Variants in GANC observed in about 807,000 individuals in gnomAD.
The protein encoded by GANC is neutral alpha-glucosidase C.
Under a neutral mutation model 124.2 loss-of-function variants are expected in GANC, and 117 were observed. The ratio of observed to expected loss-of-function variants is 0.94; its 90% CI spans 0.81 to 1.10. The LOEUF (loss-of-function observed/expected upper bound fraction) is 1.10, where lower values mean the gene tolerates loss of function less well. Ranked by LOEUF, GANC falls within the 50% of genes least tolerant of loss-of-function variation. The pLI, the probability that GANC is intolerant of heterozygous loss-of-function variation, is 0.00. For synonymous variants in GANC, 377 were observed against 376.8 expected, an observed-to-expected ratio of 1.00 and a Z score of -0.01; for missense variants, 1,140 against 1,095.0, an observed-to-expected ratio of 1.04 and a Z score of -0.58.
chr15:42,321,222 T>C (rs1011723361), intron 10 of GANC, among the ~76,000 whole-genome samples: 1 of 152,202 alleles, frequency 6.6e-6, no homozygotes, highest in Non-Finnish European at 1.5e-5. Flanking sequence ...TGCCAGACTT[T>C]TGATGGCTTC....
chr15:42,279,414 G>A (rs1475409857), intron 3 of GANC, among the ~76,000 whole-genome samples: 1 of 152,206 alleles, frequency 6.6e-6, no homozygotes, highest in Non-Finnish European at 1.5e-5. Context: ...AAAGGACTAT[G>A]CAGTTGAAAA....
chr15:42,338,310 T>C, intron 15 of GANC, 79 bp from the exon 16 acceptor site: 2 of 857,560 alleles, frequency 2.3e-6, no homozygotes, highest in Non-Finnish European at 3.6e-6. Context: ...AGTTGTCTTT[T>C]ACAAATAAGG....
Position 42,352,580 on chromosome 15 carries a change from G to A in GANC, c.*441G>A, listed in dbSNP as rs2052459337. The A allele has an allele frequency of 2.0e-6, 2 of 1,010,568 alleles. No homozygotes were observed. The highest frequency in any genetic ancestry group is 3.4e-5 in the African/African-American group (2 of 58,216). 62.6% of individuals were successfully genotyped at this position (1,010,568 alleles called of 1,614,324 possible). A position where few individuals can be genotyped will look rare whatever the true frequency, so the allele number is the denominator to read the frequency against. The stretch of plus-strand genomic sequence containing the variant: ...GTGTCCAAGTGGACAGCAGCCTCTG[G>A]TACTCCCCCCAGTTATCTTCCACCC... On this transcript the variant is annotated 3_prime_UTR_variant, in exon 24 of 24. Coordinates refer to ENST00000318010, the MANE Select transcript of GANC (RefSeq NM_198141.3).
intron 3 of GANC, among the ~76,000 whole-genome samples, chr15:42,282,988 C>T (rs1438495353): frequency 2.0e-5 from 3 of 152,206 alleles, no homozygotes; most frequent in African/African-American, 7.2e-5. Flanking sequence ...TTCCTGAGGA[C>T]TTCCTCAACC....
At chr15:42,329,499 G>A (rs2052224945) in intron 14 of GANC, 50 bp downstream of exon 14, 1 of 1,555,386 alleles carries the variant, frequency 6.4e-7, no homozygotes, top group African/African-American at 1.4e-5. Flanking sequence ...CCACCTTTTG[G>A]CTGAAGGTCA....
intron 6 of GANC, among the ~76,000 whole-genome samples, chr15:42,303,684 AAG>A (rs1352824749): frequency 7.3e-5 from 11 of 151,560 alleles, no homozygotes; most frequent in African/African-American, 2.4e-4. Flanking sequence ...AAAAAAAAAA[AAG>A]AAAGCAGGGG....
rs1443294590 is a variant in GANC at position 42,348,210 on chromosome 15, C to T, written c.2412C>T (p.Ser804=). The change falls in exon 21 of 24, where the codon AGC becomes AGT. Residue 804 remains serine (S), a synonymous_variant. Coordinates refer to ENST00000318010, the MANE Select transcript of GANC (RefSeq NM_198141.3). ...ESSYGLRVAL[S]TKGSSVGELY... ...CCTATGGACTCCGGGTTGCTCTAAG[C>T]ACTAAGGTATTTGGTAAATCTGTTA... is the stretch of plus-strand genomic sequence containing the variant. The T allele has an allele frequency of 8.1e-6, 13 of 1,597,802 alleles. No individual in the cohort carries two copies. Among genetic ancestry groups the T allele is most frequent in the Non-Finnish European group, 1.0e-5 (12 of 1,166,580 alleles).
chr15:42,339,305 AACACACACACACACACACACAC>A (rs60116980), intron 16 of GANC, among the ~76,000 whole-genome samples: 15 of 119,250 alleles, frequency 1.3e-4, no homozygotes, highest in South Asian at 3.2e-4. Flanking sequence ...ACCCCCCTCC[AACACACACACACACACACACAC>A]ACACACACAC....
intron 3 of GANC, among the ~76,000 whole-genome samples, chr15:42,287,152 A>G (rs894200794): frequency 6.6e-6 from 1 of 152,190 alleles, no homozygotes. Flanking sequence ...GCTGTGAAAA[A>G]TCAATTCCAG....
At chr15:42,304,455 G>A (rs1223077017) in intron 6 of GANC, among the ~76,000 whole-genome samples, 1 of 152,078 alleles carries the variant, frequency 6.6e-6, no homozygotes, top group East Asian at 1.9e-4. Context: ...CACTGCTTAA[G>A]GAAATAAGAG....
At chr15:42,312,796 A>T (rs901128808) in intron 10 of GANC, among the ~76,000 whole-genome samples, 1 of 152,038 alleles carries the variant, frequency 6.6e-6, no homozygotes, top group African/African-American at 2.4e-5. Flanking sequence ...AAAATTGGCC[A>T]GGCATGGTGG....
intron 8 of GANC, 22 bp from the exon 9 acceptor site, chr15:42,310,261 G>A (rs2052037378): frequency 6.5e-7 from 1 of 1,537,132 alleles, no homozygotes; most frequent in South Asian, 1.2e-5. Flanking sequence ...GATGGTAATT[G>A]ATGATAATCT....
At chr15:42,280,372 T>C (rs1407773538) in intron 3 of GANC, among the ~76,000 whole-genome samples, 1 of 152,176 alleles carries the variant, frequency 6.6e-6, no homozygotes, top group African/African-American at 2.4e-5. Flanking sequence ...ATATATCCTT[T>C]TGTAGCCTAG....
chr15:42,295,853 T>C (rs547043801), intron 5 of GANC, among the ~76,000 whole-genome samples: 1 of 152,194 alleles, frequency 6.6e-6, no homozygotes, highest in South Asian at 2.1e-4. Flanking sequence ...TAAAGATTGT[T>C]ACGTTGAGCT....
At chr15:42,350,589 G>A (rs1200231809) in intron 22 of GANC, among the ~76,000 whole-genome samples, 1 of 99,224 alleles carries the variant, frequency 1.0e-5, no homozygotes, top group Non-Finnish European at 1.9e-5. Context: ...TTTTGCTCTT[G>A]TCGCCCAGGC....
At chr15:42,335,574 G>A (rs955787170) in intron 15 of GANC, among the ~76,000 whole-genome samples, 6 of 152,152 alleles carry the variant, frequency 3.9e-5, no homozygotes. Context: ...GATGCCGTCT[G>A]TCACCACTCC....
intron 3 of GANC, among the ~76,000 whole-genome samples, chr15:42,287,362 G>A (rs2051799690): frequency 6.6e-6 from 1 of 152,092 alleles, no homozygotes; most frequent in African/African-American, 2.4e-5. Flanking sequence ...GTAGCCACAT[G>A]TCCCAATCTT....
At chr15:42,279,219 A>G (rs993700571) in intron 3 of GANC, among the ~76,000 whole-genome samples, 2 of 152,224 alleles carry the variant, frequency 1.3e-5, no homozygotes, top group East Asian at 3.8e-4. Context: ...CTGGAAAATC[A>G]CTTGCCCAAA....
intron 4 of GANC, among the ~76,000 whole-genome samples, chr15:42,288,517 T>C (rs1483217796): frequency 6.6e-6 from 1 of 152,200 alleles, no homozygotes; most frequent in Non-Finnish European, 1.5e-5. Context: ...TTTTACTATA[T>C]CATTACTGTA....
Sources: allele counts gnomAD v4.1 joint callset (sites outside exome capture counted in the v4.1 genomes callset), GRCh38; gene constraint gnomAD v4.1.1; transcripts MANE v1.5; gene names NCBI Gene and HGNC (gene_info 2026-07-23, HGNC 2026-07-21).